The following HEBP1 variants were observed in gnomAD, a reference collection of about 807,000 sequenced individuals.
HEBP1 encodes heme binding protein 1, also known as heme-binding protein 1.
In HEBP1, 13 loss-of-function variants were observed where a neutral mutation model predicts 20.4. The ratio of observed to expected loss-of-function variants is 0.64; its 90% CI spans 0.42 to 1.01. The LOEUF (loss-of-function observed/expected upper bound fraction) is 1.01, where lower values mean the gene tolerates loss of function less well. HEBP1 is among the 50% of genes least tolerant of loss of function. HEBP1 has a pLI of 0.00. For synonymous variants in HEBP1, 92 were observed against 90.7 expected (o/e 1.01, Z -0.08); for missense variants, 241 against 247.3 (o/e 0.97, Z 0.17).
At chr12:12,982,425 T>C (rs1377837428) in intron 3 of HEBP1, among the ~76,000 whole-genome samples, 7 of 152,178 alleles carry the variant, frequency 4.6e-5, no homozygotes, top group Admixed American at 4.6e-4. Flanking sequence ...GGTTGAATTA[T>C]CTAGGAACAT....
chr12:12,978,202 T>TA (rs1864022346), intron 3 of HEBP1, among the ~76,000 whole-genome samples: 1 of 46,926 alleles, frequency 2.1e-5, no homozygotes, highest in African/African-American at 5.5e-5. Context: ...CGAAAGGGTT[T>TA]TTTTTTTTTT....
At chr12:12,983,738 G>T (rs954571532) in intron 3 of HEBP1, 2 of 455,912 alleles carry the variant, frequency 4.4e-6, no homozygotes, top group Non-Finnish European at 8.8e-6. Context: ...ACTTTCAGCT[G>T]TTTAGATTTC....
At chr12:12,977,921 G>A (rs1249802422) in intron 3 of HEBP1, among the ~76,000 whole-genome samples, 1 of 152,188 alleles carries the variant, frequency 6.6e-6, no homozygotes, top group Non-Finnish European at 1.5e-5. Flanking sequence ...CACAGTGCCT[G>A]AATATGTTGG....
intron 3 of HEBP1, chr12:12,985,602 T>G (rs1864142435): frequency 6.6e-6 from 1 of 152,154 alleles, no homozygotes; most frequent in African/African-American, 2.4e-5. Context: ...ATCATGTCTA[T>G]CTCATTCCTT....
chr12:12,989,296 C>T lies in HEBP1; in HGVS notation c.198G>A (p.Ala66=), dbSNP rs141002469. 1,133 of 1,614,154 alleles carry T rather than the reference C, an allele frequency of 7.0e-4. 6 individuals carry two copies. The African/African-American group carries it at 0.011, about 16-fold the overall frequency. The change falls in exon 2 of 4, where the codon GCG becomes GCA. Residue 66 remains alanine (A), a synonymous_variant. Transcript: ENST00000014930. ...ACTCACCCTTGTCATTGGTGCCCCCCGCATACTTTGCGACCTTGGGCATTG... is the reference window on the plus strand; with the variant it reads ...ACTCACCCTTGTCATTGGTGCCCCCTGCATACTTTGCGACCTTGGGCATTG... The part of the protein sequence containing the change: ...REAMPKVAKY[A]GGTNDKGIGM...
intron 3 of HEBP1, among the ~76,000 whole-genome samples, chr12:12,978,337 A>T (rs1203437696): frequency 6.7e-6 from 1 of 148,314 alleles, no homozygotes; most frequent in African/African-American, 2.5e-5. Flanking sequence ...TAGCTTCCCG[A>T]GTAGCTGGGA....
Position 12,975,370 on chromosome 12 carries a change from C to A in HEBP1, c.508G>T (p.Gly170Cys), listed in dbSNP as rs765918803. The change falls in exon 4 of 4, where the codon GGT becomes TGT. Residue 170 changes from glycine (G) to cysteine (C), a missense_variant. By Grantham distance (159) the Gly-to-Cys change is radical. Coordinates refer to ENST00000014930, the MANE Select transcript of HEBP1 (RefSeq NM_015987.5). ...TAGGGCTTCATGGGAGGGTCATAACCCGTGCAGAAGTAGATGTCCCCCCGG... is the reference window on the plus strand; with the variant it reads ...TAGGGCTTCATGGGAGGGTCATAACACGTGCAGAAGTAGATGTCCCCCCGG... ...TYRGDIYFCT[G>C]YDPPMKPYGR... 6.2e-7 allele frequency: 1 copy of A among 1,614,048 alleles called. No individual in the cohort carries two copies. Among genetic ancestry groups the A allele is most frequent in the African/African-American group, 1.3e-5 (1 of 75,024 alleles).
intron 2 of HEBP1, 84 bp from the exon 3 acceptor site, chr12:12,987,416 T>C: frequency 9.7e-7 from 1 of 1,035,566 alleles, no homozygotes; most frequent in East Asian, 2.5e-5. Context: ...GTTCCATTCG[T>C]CTTTCAAAGT....
chr12:12,975,674 A>G (rs572434948), intron 3 of HEBP1, among the ~76,000 whole-genome samples, 195 bp from the exon 4 acceptor site: 3 of 152,052 alleles, frequency 2.0e-5, no homozygotes, highest in East Asian at 1.9e-4. Flanking sequence ...GAAAAAGGAG[A>G]TATATTTTCT....
intron 1 of HEBP1, among the ~76,000 whole-genome samples, chr12:12,990,531 T>C (rs1275479248): frequency 2.6e-5 from 4 of 152,140 alleles, no homozygotes; most frequent in Non-Finnish European, 5.9e-5. Flanking sequence ...TCAGACTTCA[T>C]TGACTCTATC....
In HEBP1 at chr12:12,996,071, C is replaced by A. The variant is rs951197035; in HGVS notation, c.78+3966G>T. Among the ~76,000 whole-genome samples the A allele has an allele frequency of 7.2e-5, 11 of 152,170 alleles. No homozygotes were observed. The highest frequency in any genetic ancestry group is 1.9e-4 in the East Asian group (1 of 5,204). ...TTTCTCATTACAAGAAAATACTGATCATAACAATTAACCTAACAGAGTACT... is the reference window on the plus strand; with the variant it reads ...TTTCTCATTACAAGAAAATACTGATAATAACAATTAACCTAACAGAGTACT... On this transcript the variant is annotated intron_variant, in intron 1 of 3. Transcript: ENST00000014930. This position sits in a 1 kb window ranked among gnomAD's most constrained non-coding sequence, Gnocchi z 4.1.
intron 1 of HEBP1, among the ~76,000 whole-genome samples, chr12:12,995,166 C>G (rs981864164): frequency 1.3e-5 from 2 of 152,164 alleles, no homozygotes; most frequent in African/African-American, 4.8e-5. Context: ...CTAACAGGCT[C>G]CAACCTAAAA....
In HEBP1 at chr12:12,987,159, A is replaced by G. The variant is rs1234681343; in HGVS notation, c.391T>C (p.Tyr131His). 6.2e-7 allele frequency: 1 copy of G among 1,613,848 alleles called. No homozygotes were observed. Among genetic ancestry groups the G allele is most frequent in the Admixed American group, 1.7e-5 (1 of 60,008 alleles). Reference protein sequence around the residue: ...KIEEREGITVYSMQFGGYAKE... With the variant: ...KIEEREGITVHSMQFGGYAKE... ...GAAGGATTGTCTCCTTACATGGAAT[A>G]GACAGTGATGCCTTCCCGTTCCTCA... Residue 131 changes from tyrosine to histidine, a missense_variant, in exon 3 of 4, where the codon TAT becomes CAT. Tyr to His is a moderately conservative substitution (Grantham distance 83, BLOSUM62 2). Transcript: ENST00000014930.
intron 1 of HEBP1, among the ~76,000 whole-genome samples, chr12:12,993,158 CCTTCCTTCCTCT>C (rs1343685068): frequency 0.033 from 2,228 of 66,718 alleles, 71 homozygotes; most frequent in African/African-American, 0.097. Context: ...TTCCTTCCTT[CCTTCCTTCCTCT>C]CTCTCTCTCT....
chr12:12,984,922 C>A (rs1439135912), intron 3 of HEBP1, among the ~76,000 whole-genome samples: 6 of 152,172 alleles, frequency 3.9e-5, no homozygotes. Flanking sequence ...GAGGCCGAGG[C>A]AGGTGGATCA....
chr12:12,976,971 A>T (rs186238250), intron 3 of HEBP1, among the ~76,000 whole-genome samples: 1 of 152,188 alleles, frequency 6.6e-6, no homozygotes, highest in Non-Finnish European at 1.5e-5. Flanking sequence ...CTGGAGGTGG[A>T]AGCAGGTGTT....
chr12:12,991,203 C>T (rs1460445677), intron 1 of HEBP1, among the ~76,000 whole-genome samples: 1 of 152,178 alleles, frequency 6.6e-6, no homozygotes, highest in Non-Finnish European at 1.5e-5. Context: ...GGCAGTTACA[C>T]CACGCCTGGC....
At chr12:12,985,236 G>A (rs1368150304) in intron 3 of HEBP1, among the ~76,000 whole-genome samples, 2 of 151,920 alleles carry the variant, frequency 1.3e-5, no homozygotes, top group African/African-American at 2.4e-5. Context: ...CAGAAAAAAG[G>A]TATTGTGATT....
rs1228409303 is a variant in HEBP1 at position 12,989,429 on chromosome 12, A to G, written c.79-14T>C. ...GGCAACTTCTTCCTAGAGAGAGAGA[A>G]GGTACAGTGTTTAAGAGGTACAAAG... is the stretch of plus-strand genomic sequence containing the variant. On this transcript the variant is annotated splice_polypyrimidine_tract_variant and intron_variant, in intron 1 of 3. Coordinates refer to ENST00000014930, the MANE Select transcript of HEBP1 (RefSeq NM_015987.5). 1 of 1,613,868 alleles carries G rather than the reference A, an allele frequency of 6.2e-7. No individual in the cohort carries two copies. The highest frequency in any genetic ancestry group is 8.5e-7 in the Non-Finnish European group (1 of 1,179,822).
Sources: allele counts gnomAD v4.1 joint callset (sites outside exome capture counted in the v4.1 genomes callset), GRCh38; gene constraint gnomAD v4.1.1; non-coding constraint Gnocchi (gnomAD v3.1); transcripts MANE v1.5; gene names NCBI Gene and HGNC (gene_info 2026-07-23, HGNC 2026-07-21).